The following STPG2 variants were observed in gnomAD, a reference collection of about 807,000 sequenced individuals.
STPG2 encodes sperm-tail PG-rich repeat-containing protein 2.
In STPG2, 56 loss-of-function variants were observed where a neutral mutation model predicts 54.2. The ratio of observed to expected loss-of-function variants is 1.03; its 90% confidence interval spans 0.83 to 1.29. STPG2 has a LOEUF of 1.29. Ranked by LOEUF, STPG2 falls within the 50% of genes most tolerant of loss-of-function variation. The probability of loss-of-function intolerance (pLI) is 0.00; values close to 1 mark genes in which losing one functional copy is unlikely to be tolerated. For missense variants in STPG2, 596 were observed against 544.9 expected (o/e 1.09, Z -0.93); for synonymous variants, 200 against 181.8 (o/e 1.10, Z -0.81).
At chr4:97,806,294 C>A (rs927409434) in intron 9 of STPG2, among the ~76,000 whole-genome samples, 1 of 151,994 alleles carries the variant, frequency 6.6e-6, no homozygotes, top group African/African-American at 2.4e-5. Flanking sequence ...CATGTTCTTG[C>A]CTATAAATGG....
chr4:97,958,338 C>T (rs952276691), intron 7 of STPG2, among the ~76,000 whole-genome samples: 1 of 151,656 alleles, frequency 6.6e-6, no homozygotes, highest in African/African-American at 2.4e-5. Flanking sequence ...AGAAAAAAAC[C>T]AAGGTATACA....
At chr4:97,779,689 G>A (rs1726534335) in intron 9 of STPG2, among the ~76,000 whole-genome samples, 1 of 152,090 alleles carries the variant, frequency 6.6e-6, no homozygotes, top group African/African-American at 2.4e-5. Flanking sequence ...GAGAAAGATC[G>A]AGTTACCCAC....
chr4:97,777,495 C>T (rs1726417396), intron 9 of STPG2, among the ~76,000 whole-genome samples: 1 of 152,276 alleles, frequency 6.6e-6, no homozygotes, highest in Admixed American at 6.5e-5. Flanking sequence ...AAAAGCAATG[C>T]AGTTTTCTGG....
At chr4:97,662,194 T>C (rs1722393347) in intron 10 of STPG2, among the ~76,000 whole-genome samples, 1 of 151,564 alleles carries the variant, frequency 6.6e-6, no homozygotes, top group Admixed American at 6.6e-5. Flanking sequence ...AAAGAGCAAA[T>C]AACGCCACTA....
intron 8 of STPG2, among the ~76,000 whole-genome samples, chr4:97,873,245 C>T (rs529252494): frequency 6.7e-6 from 1 of 150,314 alleles, no homozygotes; most frequent in East Asian, 1.9e-4. Context: ...TTCTCCTTTC[C>T]ACATTTATAA....
intron 5 of STPG2, among the ~76,000 whole-genome samples, chr4:98,072,089 T>G (rs1252735173): frequency 6.6e-6 from 1 of 152,102 alleles, no homozygotes; most frequent in Admixed American, 6.6e-5. Flanking sequence ...AATCATTCTA[T>G]TACAAAGACA....
At chr4:97,738,673 A>C (rs1725110305) in intron 9 of STPG2, among the ~76,000 whole-genome samples, 1 of 152,178 alleles carries the variant, frequency 6.6e-6, no homozygotes, top group Admixed American at 6.5e-5. Flanking sequence ...TATCCTAAAT[A>C]TATATGCACC....
intron 8 of STPG2, among the ~76,000 whole-genome samples, chr4:97,856,477 A>G (rs1285745739): frequency 6.6e-6 from 1 of 152,074 alleles, no homozygotes; most frequent in Non-Finnish European, 1.5e-5. Context: ...TTGTTGGTGT[A>G]TAGGAATGCT....
intron 3 of STPG2, among the ~76,000 whole-genome samples, chr4:98,128,078 C>T (rs898706103): frequency 6.6e-6 from 1 of 152,160 alleles, no homozygotes; most frequent in African/African-American, 2.4e-5. Flanking sequence ...AGCTCCAAGC[C>T]TGGCCTACAA....
intron 6 of STPG2, among the ~76,000 whole-genome samples, chr4:97,980,629 GATAT>G (rs1734643913): frequency 6.6e-6 from 1 of 152,124 alleles, no homozygotes; most frequent in Non-Finnish European, 1.5e-5. Context: ...ACAAAATAAT[GATAT>G]ATAATAGAAA....
At chr4:97,524,577 A>G (rs1237143393) in intron 4 of STPG2, among the ~76,000 whole-genome samples, 1 of 151,988 alleles carries the variant, frequency 6.6e-6, no homozygotes, top group African/African-American at 2.4e-5. Flanking sequence ...AGGATCATCA[A>G]GGTTCTTATC....
At chr4:97,640,923 C>G (rs1721747863) in intron 10 of STPG2, among the ~76,000 whole-genome samples, 1 of 151,478 alleles carries the variant, frequency 6.6e-6, no homozygotes, top group Non-Finnish European at 1.5e-5. Flanking sequence ...TAAACATAGA[C>G]TACATATCCT....
intron 9 of STPG2, among the ~76,000 whole-genome samples, chr4:97,756,061 C>T (rs920412116): frequency 1.3e-5 from 2 of 152,024 alleles, no homozygotes; most frequent in Non-Finnish European, 2.9e-5. Context: ...CCCCTCCCTT[C>T]TTCTCTCTCT....
chr4:98,105,042 A>G (rs915725780), intron 5 of STPG2, among the ~76,000 whole-genome samples: 2 of 152,228 alleles, frequency 1.3e-5, no homozygotes, highest in African/African-American at 4.8e-5. Flanking sequence ...AAAGACTCAT[A>G]CGCTGCTGAG....
intron 4 of STPG2, among the ~76,000 whole-genome samples, chr4:97,456,828 G>A (rs937089169): frequency 2.0e-5 from 3 of 146,814 alleles, no homozygotes; most frequent in African/African-American, 8.0e-5. Flanking sequence ...TCCAGGAGTT[G>A]GAGCTAGAGT....
intron 10 of STPG2, among the ~76,000 whole-genome samples, chr4:97,630,388 A>G (rs944805662): frequency 6.6e-6 from 1 of 151,932 alleles, no homozygotes; most frequent in African/African-American, 2.4e-5. Flanking sequence ...AAGCACTATT[A>G]CATACAATGT....
chr4:97,561,573 G>A (rs1732243879), intron 10 of STPG2, among the ~76,000 whole-genome samples: 2 of 152,100 alleles, frequency 1.3e-5, no homozygotes. Context: ...GGACTTCTAT[G>A]GTTTAAGGTC....
At chr4:97,459,721 G>A (rs546620350) in intron 4 of STPG2, among the ~76,000 whole-genome samples, 21 of 152,182 alleles carry the variant, frequency 1.4e-4, no homozygotes, top group African/African-American at 2.9e-4. Context: ...GATTACAGGC[G>A]TGAGCCACCG....
Position 97,565,790 on chromosome 4 carries a change from G to A in STPG2, c.1321-6673C>T, listed in dbSNP as rs547594616. Among the ~76,000 whole-genome samples the A allele has an allele frequency of 9.5e-4, 144 of 152,250 alleles. No homozygotes were observed. In the Middle Eastern group the frequency reaches 0.014, roughly 14 times the overall value. On this transcript the variant is annotated intron_variant, in intron 10 of 10. Coordinates refer to ENST00000295268, the MANE Select transcript of STPG2 (RefSeq NM_174952.3). The stretch of plus-strand genomic sequence containing the variant: ...AATGCTGCTGTCTGATCGTTCCTCT[G>A]GAAGTTTTGTCTCAGAGGAGTACCC...
Sources: gnomAD v4.1 joint callset for allele counts (sites outside exome capture counted in the v4.1 genomes callset) on GRCh38, gnomAD v4.1.1 for gene constraint, MANE v1.5 for transcripts, NCBI Gene and HGNC (gene_info 2026-07-23, HGNC 2026-07-21) for gene names.